Variants in MAN1C1 observed in about 807,000 individuals in gnomAD.
MAN1C1 encodes mannosyl-oligosaccharide 1,2-alpha-mannosidase IC.
Under a neutral mutation model 71.5 loss-of-function variants are expected in MAN1C1, and 49 were observed. That is an observed-to-expected ratio of 0.69 (90% CI 0.54 to 0.87). The LOEUF is 0.87. MAN1C1 is among the 40% of genes least tolerant of loss of function. The probability of loss-of-function intolerance (pLI) is 0.00; values close to 1 mark genes in which losing one functional copy is unlikely to be tolerated. For synonymous variants in MAN1C1, 352 were observed against 343.7 expected (o/e 1.02, Z -0.27); for missense variants, 743 against 835.0 (o/e 0.89, Z 1.36).
At position 25,617,598 on chromosome 1, in the gene MAN1C1, C is replaced by T; in HGVS notation, c.-200C>T. 2.0e-6 allele frequency: 1 copy of T among 494,068 alleles called. No homozygotes were observed. The highest frequency in any genetic ancestry group is 2.1e-5 in the African/African-American group (1 of 48,378). The allele number at this position is 494,068 out of a possible 1,614,324, so 30.6% of individuals were successfully genotyped here. ...CCGGGCCCCGCCGAGGCCGCTGCGCCCCCGCCTCCTCGCGGGAGGACTCGC... is the reference window on the plus strand; with the variant it reads ...CCGGGCCCCGCCGAGGCCGCTGCGCTCCCGCCTCCTCGCGGGAGGACTCGC... On this transcript the variant is annotated 5_prime_UTR_variant, in exon 1 of 12. Coordinates refer to ENST00000374332, the MANE Select transcript of MAN1C1 (RefSeq NM_020379.4). This position sits in a 1 kb window ranked among gnomAD's most constrained non-coding sequence, Gnocchi z 5.1.
At chr1:25,675,586 G>C (rs1207143843) in intron 1 of MAN1C1, among the ~76,000 whole-genome samples, 3 of 105,212 alleles carry the variant, frequency 2.9e-5, no homozygotes, top group African/African-American at 1.9e-4. Context: ...TTATTTTGCG[G>C]GGGGGGGGGG....
intron 2 of MAN1C1, among the ~76,000 whole-genome samples, chr1:25,707,287 C>T (rs1000296921): frequency 6.6e-6 from 1 of 152,224 alleles, no homozygotes; most frequent in Non-Finnish European, 1.5e-5. Flanking sequence ...GTGCTGGCCC[C>T]TGGACTTACC....
chr1:25,732,149 C>T (rs2046918021), intron 2 of MAN1C1, among the ~76,000 whole-genome samples: 1 of 152,150 alleles, frequency 6.6e-6, no homozygotes, highest in African/African-American at 2.4e-5. Flanking sequence ...GGAGAGGCGG[C>T]AGCTCTCTGC....
chr1:25,632,191 T>C (rs1231091803), intron 1 of MAN1C1, among the ~76,000 whole-genome samples: 2 of 152,222 alleles, frequency 1.3e-5, no homozygotes, highest in Non-Finnish European at 2.9e-5. Context: ...CTGCTTGTTA[T>C]TGGTCTGTTA....
intron 1 of MAN1C1, among the ~76,000 whole-genome samples, chr1:25,648,786 C>A (rs531222700): frequency 6.6e-6 from 1 of 152,212 alleles, no homozygotes; most frequent in Non-Finnish European, 1.5e-5. Flanking sequence ...TTCAAAAAAT[C>A]TCCTCATGTG....
rs1273661146 is a variant in MAN1C1, at chr1:25,763,981, C to T, written c.1141+14C>T. 25 of 1,601,912 alleles carry T rather than the reference C, an allele frequency of 1.6e-5. No homozygotes were observed. The highest frequency in any genetic ancestry group is 1.6e-4 in the Middle Eastern group (1 of 6,062). The stretch of plus-strand genomic sequence containing the variant: ...ACTGGGTGCAACGTGAGTACAGAGA[C>T]GCCACTGCCCCTTATTCAGCGGGTT... On this transcript the variant is annotated intron_variant, in intron 7 of 11. Coordinates refer to ENST00000374332, the MANE Select transcript of MAN1C1 (RefSeq NM_020379.4).
chr1:25,643,244 TAA>T (rs879789862), intron 1 of MAN1C1, among the ~76,000 whole-genome samples: 12,653 of 144,326 alleles, frequency 0.088, 1,197 homozygotes, highest in East Asian at 0.24. Flanking sequence ...ATTAATTAAT[TAA>T]TTAATTAATT....
chr1:25,617,272 C>T lies in MAN1C1; in HGVS notation c.-526C>T, dbSNP rs2124743168. 6.6e-6 allele frequency among the ~76,000 whole-genome samples: 1 copy of T among 151,988 alleles called. No homozygotes were observed. Among genetic ancestry groups the T allele is most frequent in the Admixed American group, 6.5e-5 (1 of 15,274 alleles). ...CCGGGTGTGCGCGCGCTCGGGGCGG[C>T]GCTGACACGCCAGCCCCCCATCGCC... On this transcript the variant is annotated 5_prime_UTR_variant, in exon 1 of 12. Transcript: ENST00000374332. This position sits in a 1 kb window ranked among gnomAD's most constrained non-coding sequence, Gnocchi z 5.1.
intron 1 of MAN1C1, among the ~76,000 whole-genome samples, chr1:25,642,676 C>T (rs1218752633): frequency 3.9e-5 from 6 of 152,226 alleles, no homozygotes; most frequent in Admixed American, 2.6e-4. Context: ...GCATAGAAAA[C>T]ACATCCTATT....
chr1:25,748,013 C>T (rs139907886), intron 3 of MAN1C1, among the ~76,000 whole-genome samples: 206 of 152,226 alleles, frequency 1.4e-3, no homozygotes, highest in African/African-American at 4.8e-3. Context: ...GAGAATCCCC[C>T]CATTACCCCT....
At chr1:25,726,687 G>A (rs2046836469) in intron 2 of MAN1C1, among the ~76,000 whole-genome samples, 1 of 152,050 alleles carries the variant, frequency 6.6e-6, no homozygotes, top group Middle Eastern at 3.2e-3. Context: ...TTAGCTTTCT[G>A]AGCCTCAGTT....
chr1:25,740,435 T>G (rs1456971180), intron 2 of MAN1C1, among the ~76,000 whole-genome samples: 1 of 151,918 alleles, frequency 6.6e-6, no homozygotes, highest in Non-Finnish European at 1.5e-5. Flanking sequence ...GTTGTTGTTG[T>G]TGTTGTTGTC....
At chr1:25,738,505 A>C (rs2047013978) in intron 2 of MAN1C1, among the ~76,000 whole-genome samples, 1 of 152,248 alleles carries the variant, frequency 6.6e-6, no homozygotes, top group East Asian at 1.9e-4. Context: ...GGCTTAAAAC[A>C]ATTATTTTAT....
At chr1:25,685,513 G>T (rs889185238) in intron 1 of MAN1C1, among the ~76,000 whole-genome samples, 24 of 152,236 alleles carry the variant, frequency 1.6e-4, no homozygotes, top group Admixed American at 6.5e-5. Context: ...GGGCTGCAGC[G>T]CAGGGTTGGG....
In MAN1C1 at chr1:25,735,588, G is replaced by T. The variant is rs2046973023; in HGVS notation, c.638-11080G>T. On this transcript the variant is annotated intron_variant, in intron 2 of 11. Coordinates refer to ENST00000374332, the MANE Select transcript of MAN1C1 (RefSeq NM_020379.4). The surrounding 1 kb of genome is among the most constrained non-coding windows in gnomAD (Gnocchi z 4.6). ...ATAGGACTGTAAGAACATTGTATCA[G>T]TCATCTATTTCCATAATAGGGTTGT... Among the ~76,000 whole-genome samples, 1 of 152,162 alleles carries T rather than the reference G, an allele frequency of 6.6e-6. No homozygotes were observed. Among genetic ancestry groups the T allele is most frequent in the Non-Finnish European group, 1.5e-5 (1 of 68,022 alleles).
chr1:25,713,633 T>G (rs1188164326), intron 2 of MAN1C1, among the ~76,000 whole-genome samples: 1 of 152,162 alleles, frequency 6.6e-6, no homozygotes, highest in Non-Finnish European at 1.5e-5. Flanking sequence ...TATATAGGAC[T>G]GTTGGGCCCT....
chr1:25,617,708 G>T lies in MAN1C1; in HGVS notation c.-90G>T, dbSNP rs2045123786. The T allele has an allele frequency of 2.3e-6, 3 of 1,306,520 alleles. No individual in the cohort carries two copies. In the Admixed American group the frequency reaches 8.6e-5, roughly 37 times the overall value. 80.9% of individuals were successfully genotyped at this position (1,306,520 alleles called of 1,614,324 possible). On this transcript the variant is annotated 5_prime_UTR_variant, in exon 1 of 12. Transcript: ENST00000374332. This position sits in a 1 kb window ranked among gnomAD's most constrained non-coding sequence, Gnocchi z 5.1. ...AACCCTGCCCAGGGACCCCCATCCC[G>T]GGCGGCGCTCCGGACGCCCTCCCCT...
intron 6 of MAN1C1, chr1:25,761,592 A>G (rs1182233931): frequency 6.8e-6 from 1 of 146,918 alleles, no homozygotes; most frequent in Non-Finnish European, 1.5e-5. Context: ...ACCCTTGGTA[A>G]CCACCATTCT....
chr1:25,710,305 G>A (rs2046596788), intron 2 of MAN1C1, among the ~76,000 whole-genome samples: 1 of 152,338 alleles, frequency 6.6e-6, no homozygotes, highest in East Asian at 1.9e-4. Flanking sequence ...AACAAGTGTT[G>A]AGAAGATGAA....
Sources: gnomAD v4.1 joint callset for allele counts (sites outside exome capture counted in the v4.1 genomes callset) on GRCh38, gnomAD v4.1.1 for gene constraint, Gnocchi (gnomAD v3.1) non-coding constraint, MANE v1.5 for transcripts, NCBI Gene and HGNC (gene_info 2026-07-23, HGNC 2026-07-21) for gene names.